LOC128092252: variants seen among roughly 807,000 people sequenced by gnomAD.
chr15:50,671,424 C>T, the LOC128092252 span, among the ~76,000 whole-genome samples: 75 of 152,296 alleles, frequency 4.9e-4, no homozygotes, highest in African/African-American at 1.8e-3. Flanking sequence ...TTTGTGCATA[C>T]TGTCATGTGC....
chr15:50,669,693 T>C, the LOC128092252 span, among the ~76,000 whole-genome samples: 5 of 152,132 alleles, frequency 3.3e-5, no homozygotes, highest in Admixed American at 2.0e-4. Context: ...TAGATTCTAG[T>C]CTCATCAGTT....
At chr15:50,667,155 T>G in the LOC128092252 span, among the ~76,000 whole-genome samples, 1 of 152,188 alleles carries the variant, frequency 6.6e-6, no homozygotes, top group East Asian at 1.9e-4. Context: ...ATGGCAGTTA[T>G]GGGGAAATAC....
chr15:50,682,073 G>A, the LOC128092252 span, among the ~76,000 whole-genome samples: 1 of 150,808 alleles, frequency 6.6e-6, no homozygotes, highest in Non-Finnish European at 1.5e-5. Context: ...AGCTACTCGA[G>A]AGGCTGAGGC....
chr15:50,661,369 T>A, the LOC128092252 span, among the ~76,000 whole-genome samples: 1 of 152,132 alleles, frequency 6.6e-6, no homozygotes, highest in African/African-American at 2.4e-5. Flanking sequence ...ACAAAAGCAA[T>A]ACACTGAGAA....
At chr15:50,677,296 TG>T in the LOC128092252 span, among the ~76,000 whole-genome samples, 1 of 151,994 alleles carries the variant, frequency 6.6e-6, no homozygotes, top group Non-Finnish European at 1.5e-5. Context: ...CATCTACCCC[TG>T]ATTACCTCCA....
the LOC128092252 span, among the ~76,000 whole-genome samples, chr15:50,686,202 C>T: frequency 6.6e-6 from 1 of 152,252 alleles, no homozygotes; most frequent in Admixed American, 6.5e-5. Context: ...AGCCCTGCGT[C>T]GGGCGCGCTG....
At chr15:50,679,538 A>ATATTTTTTTTTTTTTT in the LOC128092252 span, among the ~76,000 whole-genome samples, 2 of 43,902 alleles carry the variant, frequency 4.6e-5, no homozygotes, top group African/African-American at 1.1e-4. Flanking sequence ...ATATATATAT[A>ATATTTTTTTTTTTTTT]TTTTTTTTTT....
At chr15:50,656,136 T>C in the LOC128092252 span, among the ~76,000 whole-genome samples, 2 of 152,156 alleles carry the variant, frequency 1.3e-5, no homozygotes. Context: ...AAAATTCATG[T>C]TCAGTTCAGT....
chr15:50,684,300 C>A, the LOC128092252 span, among the ~76,000 whole-genome samples: 1 of 151,790 alleles, frequency 6.6e-6, no homozygotes, highest in African/African-American at 2.4e-5. Context: ...TTACCACGCC[C>A]GATTACTGAT....
At chr15:50,663,132 T>C in the LOC128092252 span, 1 of 1,045,472 alleles carries the variant, frequency 9.6e-7, no homozygotes, top group Non-Finnish European at 1.4e-6. Context: ...CATAAACAGT[T>C]CTTTTTTTTT....
At chr15:50,674,523 T>C in the LOC128092252 span, among the ~76,000 whole-genome samples, 5 of 152,210 alleles carry the variant, frequency 3.3e-5, no homozygotes, top group Admixed American at 2.6e-4. Flanking sequence ...ATTATTATTT[T>C]TAATGGTTTT....
chr15:50,657,182 G>A, the LOC128092252 span, among the ~76,000 whole-genome samples: 1 of 152,004 alleles, frequency 6.6e-6, no homozygotes, highest in Non-Finnish European at 1.5e-5. Flanking sequence ...AAATTAGCCG[G>A]GCATGGTGGC....
chr15:50,662,456 G>A, the LOC128092252 span, among the ~76,000 whole-genome samples: 2 of 151,948 alleles, frequency 1.3e-5, no homozygotes, highest in Non-Finnish European at 2.9e-5. Flanking sequence ...AGCCATCTTA[G>A]AGACCAAAGA....
the LOC128092252 span, among the ~76,000 whole-genome samples, chr15:50,680,394 T>A: frequency 1.3e-5 from 2 of 151,634 alleles, no homozygotes; most frequent in Non-Finnish European, 2.9e-5. Context: ...CACAAATTTT[T>A]AAAAAATAAA....
the LOC128092252 span, among the ~76,000 whole-genome samples, chr15:50,669,677 T>C: frequency 4.6e-5 from 7 of 152,176 alleles, no homozygotes; most frequent in South Asian, 2.1e-4. Flanking sequence ...ATGGTATACC[T>C]GTCAGTAGAT....
the LOC128092252 span, among the ~76,000 whole-genome samples, chr15:50,666,774 C>A: frequency 6.6e-6 from 1 of 151,994 alleles, no homozygotes; most frequent in Non-Finnish European, 1.5e-5. Context: ...TGCACTCCAG[C>A]CTGGGCAACA....
At chr15:50,678,230 A>ACT in the LOC128092252 span, among the ~76,000 whole-genome samples, 2 of 133,442 alleles carry the variant, frequency 1.5e-5, no homozygotes, top group African/African-American at 2.7e-5. Flanking sequence ...ACAGAGTGAG[A>ACT]CTCTCTCTCA....
At chr15:50,659,063 T>C in the LOC128092252 span, among the ~76,000 whole-genome samples, 1 of 151,920 alleles carries the variant, frequency 6.6e-6, no homozygotes, top group Non-Finnish European at 1.5e-5. Context: ...CCAGATGTGG[T>C]GGCACACGCC....
chr15:50,678,247 AAAAACAAAAACAAAAAC>A, the LOC128092252 span, among the ~76,000 whole-genome samples: 1 of 126,450 alleles, frequency 7.9e-6, no homozygotes, highest in African/African-American at 2.9e-5. Flanking sequence ...CTCAAAAAAA[AAAAACAAAAACAAAAAC>A]AAAAACAAAA....
Sources: allele counts gnomAD v4.1 joint callset (sites outside exome capture counted in the v4.1 genomes callset), GRCh38; gene constraint gnomAD v4.1.1; transcripts MANE v1.5.